The following KCNH1 variants were observed in gnomAD, a reference collection of about 807,000 sequenced individuals.
KCNH1 encodes voltage-gated delayed rectifier potassium channel KCNH1.
In KCNH1, 27 loss-of-function variants were observed where a neutral mutation model predicts 69.2. That is an observed-to-expected ratio of 0.39 (90% CI 0.29 to 0.54). The LOEUF (loss-of-function observed/expected upper bound fraction) is 0.54. Among genes scored for constraint, KCNH1 ranks in the 20% least tolerant of loss-of-function variants. The pLI is 0.68. For missense variants in KCNH1, 798 were observed against 1,261.6 expected, an observed-to-expected ratio of 0.63 and a Z score of 5.57; for synonymous variants, 456 against 487.7, an observed-to-expected ratio of 0.93 and a Z score of 0.86.
chr1:211,066,009 T>A (rs1232133889), intron 5 of KCNH1, among the ~76,000 whole-genome samples: 2 of 152,090 alleles, frequency 1.3e-5, no homozygotes, highest in Non-Finnish European at 2.9e-5. Context: ...CAGTGAGTCA[T>A]GACCACACCA....
At chr1:211,108,996 A>G (rs1169617254) in intron 1 of KCNH1, among the ~76,000 whole-genome samples, 1 of 152,212 alleles carries the variant, frequency 6.6e-6, no homozygotes, top group Non-Finnish European at 1.5e-5. Flanking sequence ...AGGTAAGAAA[A>G]CAATGAACTC....
intron 6 of KCNH1, among the ~76,000 whole-genome samples, chr1:210,933,374 G>A (rs1301000459): frequency 4.0e-5 from 6 of 151,824 alleles, no homozygotes; most frequent in African/African-American, 1.5e-4. Flanking sequence ...GGGGTGGGGG[G>A]AGCGGGGAGG....
At chr1:211,067,551 G>A (rs1690555187) in intron 5 of KCNH1, among the ~76,000 whole-genome samples, 1 of 152,178 alleles carries the variant, frequency 6.6e-6, no homozygotes, top group Non-Finnish European at 1.5e-5. Context: ...GTTTTCACAG[G>A]TGTTAGCTCT....
chr1:211,106,523 G>A (rs1250494028), intron 2 of KCNH1, among the ~76,000 whole-genome samples: 1 of 151,880 alleles, frequency 6.6e-6, no homozygotes, highest in Non-Finnish European at 1.5e-5. Flanking sequence ...GGTGGCTCAC[G>A]CCTATAATCC....
intron 7 of KCNH1, among the ~76,000 whole-genome samples, chr1:210,842,632 A>C (rs1264152110): frequency 2.6e-5 from 4 of 152,154 alleles, no homozygotes; most frequent in African/African-American, 9.7e-5. Context: ...CAGGTGATAA[A>C]ACAGCTGAGT....
chr1:210,844,966 T>C (rs1171094650), intron 7 of KCNH1, among the ~76,000 whole-genome samples: 2 of 152,180 alleles, frequency 1.3e-5, no homozygotes, highest in South Asian at 4.1e-4. Context: ...GCAAATAAAC[T>C]AGAAAATCTA....
chr1:210,783,821 G>C (rs1012950080), intron 9 of KCNH1, among the ~76,000 whole-genome samples: 1 of 152,120 alleles, frequency 6.6e-6, no homozygotes, highest in Non-Finnish European at 1.5e-5. Context: ...GTTTTTGTTG[G>C]AGCAGCTGAA....
Position 211,082,768 on chromosome 1 carries a change from C to A in KCNH1, c.558+12G>T. On this transcript the variant is annotated intron_variant, in intron 5 of 10. Coordinates refer to ENST00000271751, the MANE Select transcript of KCNH1 (RefSeq NM_172362.3). ...AAGTGAGGCTCAAGATGAGCTAACC[C>A]TTTGCCCTTACCTCTGCCAGGCGGG... The A allele has an allele frequency of 6.2e-7, 1 of 1,605,900 alleles. No homozygotes were observed. The highest frequency in any genetic ancestry group is 8.5e-7 in the Non-Finnish European group (1 of 1,173,232).
chr1:210,794,933 A>T (rs1684278165), intron 9 of KCNH1, among the ~76,000 whole-genome samples: 1 of 152,130 alleles, frequency 6.6e-6, no homozygotes, highest in South Asian at 2.1e-4. Context: ...TTCATATCAG[A>T]TATACTAAAG....
At chr1:210,872,641 A>G (rs559232873) in intron 7 of KCNH1, among the ~76,000 whole-genome samples, 2 of 152,234 alleles carry the variant, frequency 1.3e-5, no homozygotes, top group South Asian at 4.2e-4. Flanking sequence ...GGTGTCTTAC[A>G]TGGTAGAGTA....
intron 7 of KCNH1, among the ~76,000 whole-genome samples, chr1:210,854,388 C>T (rs1312877184): frequency 6.6e-6 from 1 of 152,082 alleles, no homozygotes; most frequent in Non-Finnish European, 1.5e-5. Flanking sequence ...TAATCAAAGC[C>T]TAATTCCAAT....
At chr1:210,982,211 C>A (rs116004969) in intron 6 of KCNH1, among the ~76,000 whole-genome samples, 2,687 of 136,712 alleles carry the variant, frequency 0.02, 41 homozygotes, top group Non-Finnish European at 0.022. Context: ...GAAAAGGATG[C>A]GAGAATACTT....
At position 210,861,242 on chromosome 1, in the gene KCNH1, A is replaced by C. The variant is rs1685972098; in HGVS notation, c.1463-57076T>G. ...AATAACATCTTGGATAATGCCTTGTATATGGGGCTTCAGATTCTTCCAGGT... is the reference window on the plus strand; with the variant it reads ...AATAACATCTTGGATAATGCCTTGTCTATGGGGCTTCAGATTCTTCCAGGT... On this transcript the variant is annotated intron_variant, in intron 7 of 10. Coordinates refer to ENST00000271751, the MANE Select transcript of KCNH1 (RefSeq NM_172362.3). The C allele has an allele frequency of 1.0e-5, 10 of 963,360 alleles. No homozygotes were observed. The South Asian group carries it at 1.3e-4, about 12-fold the overall frequency. 59.7% of individuals were successfully genotyped at this position (963,360 alleles called of 1,614,324 possible).
At chr1:211,122,109 G>A (rs542181388) in intron 1 of KCNH1, among the ~76,000 whole-genome samples, 12 of 152,150 alleles carry the variant, frequency 7.9e-5, no homozygotes, top group African/African-American at 2.2e-4. Flanking sequence ...CTGCACTCCA[G>A]CCTGGGCGAC....
At position 210,991,556 on chromosome 1, in the gene KCNH1, T is replaced by C. The variant is rs77452979; in HGVS notation, c.1032+27227A>G. Among the ~76,000 whole-genome samples the C allele has an allele frequency of 1.8e-3, 268 of 151,772 alleles. 1 individual carries two copies. Among genetic ancestry groups the C allele is most frequent in the African/African-American group, 6.2e-3 (258 of 41,366 alleles). On this transcript the variant is annotated intron_variant, in intron 6 of 10. Transcript: ENST00000271751. ...CTATTGCTCAACATGGTGACCATAG[T>C]TAATGTATTATACATCTCAAAATTG... is the stretch of plus-strand genomic sequence containing the variant.
intron 6 of KCNH1, among the ~76,000 whole-genome samples, chr1:210,986,437 A>T (rs1688836139): frequency 6.6e-6 from 1 of 152,052 alleles, no homozygotes; most frequent in Admixed American, 6.6e-5. Flanking sequence ...GTTCCTTTCC[A>T]TGTTTAGTGC....
chr1:210,765,824 G>A (rs1180204333), intron 10 of KCNH1, among the ~76,000 whole-genome samples: 1 of 152,192 alleles, frequency 6.6e-6, no homozygotes, highest in African/African-American at 2.4e-5. Flanking sequence ...GACTTTGGGA[G>A]GCCGAAGCAG....
intron 6 of KCNH1, among the ~76,000 whole-genome samples, chr1:210,922,383 CAAAAAAAAAAAAAAAAAAAAAAAAAA>C (rs758026291): frequency 1.0e-5 from 1 of 98,348 alleles, no homozygotes; most frequent in Non-Finnish European, 2.1e-5. Flanking sequence ...GACTCCGTCT[CAAAAAAAAAAAAAAAAAAAAAAAAAA>C]AAAAAAAAAA....
At chr1:211,034,215 G>C (rs77330831) in intron 5 of KCNH1, among the ~76,000 whole-genome samples, 2,224 of 152,138 alleles carry the variant, frequency 0.015, 25 homozygotes, top group Non-Finnish European at 0.023. Flanking sequence ...TGGTTAAACT[G>C]TGTTGCTTCT....
Sources: gnomAD v4.1 joint callset for allele counts (sites outside exome capture counted in the v4.1 genomes callset) on GRCh38, gnomAD v4.1.1 for gene constraint, MANE v1.5 for transcripts, NCBI Gene and HGNC (gene_info 2026-07-23, HGNC 2026-07-21) for gene names.